Variants in ANO2 observed in about 807,000 individuals in gnomAD.
The protein encoded by ANO2 is anoctamin-2.
In ANO2, 101 loss-of-function variants were observed where a neutral mutation model predicts 124.2. The observed-to-expected ratio is 0.81, with a 90% confidence interval of 0.69 to 0.96. ANO2 has a LOEUF of 0.96. Among genes scored for constraint, ANO2 ranks in the 40% least tolerant of loss-of-function variants. The pLI, the probability that ANO2 is intolerant of heterozygous loss-of-function variation, is 0.00. For missense variants in ANO2, 1,293 were observed against 1,274.5 expected, an observed-to-expected ratio of 1.01 and a Z score of -0.22; for synonymous variants, 486 against 482.5, an observed-to-expected ratio of 1.01 and a Z score of -0.09.
intron 14 of ANO2, among the ~76,000 whole-genome samples, chr12:5,651,084 T>C (rs1292993781): frequency 4.6e-5 from 7 of 152,222 alleles, no homozygotes; most frequent in African/African-American, 1.7e-4. Context: ...AAAAGTAAGG[T>C]CTAACCAGCT....
chr12:5,696,689 A>G (rs577684260), intron 14 of ANO2, among the ~76,000 whole-genome samples: 1 of 152,354 alleles, frequency 6.6e-6, no homozygotes, highest in African/African-American at 2.4e-5. Context: ...CTCTAGCTCA[A>G]CATCACTAAT....
intron 13 of ANO2, 135 bp downstream of exon 13, chr12:5,739,182 A>G (rs373330120): frequency 1.5e-5 from 13 of 865,030 alleles, no homozygotes; most frequent in Middle Eastern, 2.1e-4. Flanking sequence ...GAGCCAAGCT[A>G]CACAGGCAGC....
chr12:5,814,404 T>C (rs984328019), intron 7 of ANO2, among the ~76,000 whole-genome samples: 2 of 152,272 alleles, frequency 1.3e-5, no homozygotes, highest in Admixed American at 6.5e-5. Context: ...TTTCCTTGCA[T>C]GTATCTGTCT....
At chr12:5,923,172 ACG>A (rs1348020913) in intron 1 of ANO2, among the ~76,000 whole-genome samples, 7,270 of 40,576 alleles carry the variant, frequency 0.18, 1,480 homozygotes, top group Admixed American at 0.25. Context: ...ATACACACAC[ACG>A]CACACACACA....
intron 3 of ANO2, chr12:5,870,423 T>C (rs1002268396): frequency 6.6e-6 from 1 of 152,244 alleles, no homozygotes; most frequent in Non-Finnish European, 1.5e-5. Context: ...ACCCCAGGGC[T>C]CTGCCTTCTG....
intron 19 of ANO2, among the ~76,000 whole-genome samples, chr12:5,603,542 T>C (rs530730894): frequency 1.4e-4 from 21 of 151,838 alleles, no homozygotes; most frequent in Middle Eastern, 6.8e-3. Context: ...GGCAAAGAGG[T>C]TATTCTAGGC....
intron 3 of ANO2, among the ~76,000 whole-genome samples, chr12:5,898,905 G>T (rs1383527243): frequency 6.6e-6 from 1 of 152,158 alleles, no homozygotes; most frequent in African/African-American, 2.4e-5. Context: ...TCCAAAAGAG[G>T]CTTTTTTAAA....
chr12:5,922,589 T>TACCCCC, intron 2 of ANO2, 31 bp downstream of exon 2: 4 of 1,449,808 alleles, frequency 2.8e-6, no homozygotes, highest in Non-Finnish European at 1.8e-6. Context: ...GGCTGGCCTA[T>TACCCCC]CCCCCCACCC....
At chr12:5,907,678 G>A (rs947589379) in intron 3 of ANO2, among the ~76,000 whole-genome samples, 8 of 152,212 alleles carry the variant, frequency 5.3e-5, no homozygotes, top group Non-Finnish European at 1.2e-4. Flanking sequence ...GACAGGGTGG[G>A]AGAGCCAACT....
intron 1 of ANO2, among the ~76,000 whole-genome samples, chr12:5,932,094 T>A (rs1345670527): frequency 3.9e-5 from 4 of 103,516 alleles, no homozygotes; most frequent in Non-Finnish European, 4.0e-5. Flanking sequence ...GGTAGACGAG[T>A]GAGGAAAGAA....
chr12:5,599,768 C>T (rs918670857), intron 19 of ANO2, 139 bp from the exon 20 acceptor site: 1 of 933,860 alleles, frequency 1.1e-6, no homozygotes. Context: ...TAGAGAGACA[C>T]TAAAGAGACT....
chr12:5,681,778 G>A (rs1423929085), intron 14 of ANO2, among the ~76,000 whole-genome samples: 2 of 152,048 alleles, frequency 1.3e-5, no homozygotes, highest in Non-Finnish European at 2.9e-5. Context: ...AAGCTATTAA[G>A]CTCTTACATC....
intron 3 of ANO2, among the ~76,000 whole-genome samples, chr12:5,879,815 T>C (rs1414210563): frequency 1.3e-5 from 2 of 152,166 alleles, no homozygotes; most frequent in African/African-American, 2.4e-5. Context: ...AGACTAATTG[T>C]GAAAGCCTGG....
intron 9 of ANO2, 129 bp downstream of exon 9, chr12:5,805,923 G>A (rs1405904595): frequency 3.5e-6 from 3 of 861,302 alleles, no homozygotes; most frequent in East Asian, 2.9e-5. Context: ...GGGAAAGGGG[G>A]GAGCTGGTAA....
chr12:5,783,393 T>A (rs1952456845), intron 10 of ANO2, among the ~76,000 whole-genome samples: 1 of 152,176 alleles, frequency 6.6e-6, no homozygotes, highest in Admixed American at 6.5e-5. Flanking sequence ...CTAGAGCCCA[T>A]GACACAGCCC....
At chr12:5,641,409 CTTTT>C (rs1004079569) in intron 15 of ANO2, among the ~76,000 whole-genome samples, 1 of 142,494 alleles carries the variant, frequency 7.0e-6, no homozygotes, top group South Asian at 2.2e-4. Flanking sequence ...GAAAACTGGG[CTTTT>C]TTTTAAGTGG....
intron 10 of ANO2, among the ~76,000 whole-genome samples, chr12:5,792,295 T>A (rs183005966): frequency 5.9e-4 from 90 of 152,338 alleles, no homozygotes; most frequent in East Asian, 2.3e-3. Flanking sequence ...ACATTACCCA[T>A]CTTTTGACTG....
rs551365748 is a variant in ANO2, at chr12:5,563,093, T to G, written c.*206A>C. On this transcript the variant is annotated 3_prime_UTR_variant, in exon 25 of 25. Coordinates refer to ENST00000682330, the MANE Select transcript of ANO2 (RefSeq NM_001364791.2). Reference sequence around the variant, plus strand: ...AAGGGGACCTAAAAGAAACTTAAGCTTGAAGTTTCTGAGATGTAGCATCAT... The same window carrying G: ...AAGGGGACCTAAAAGAAACTTAAGCGTGAAGTTTCTGAGATGTAGCATCAT... 2.7e-6 allele frequency: 2 copies of G among 749,098 alleles called. No homozygotes were observed. Among genetic ancestry groups the G allele is most frequent in the South Asian group, 4.0e-5 (2 of 50,268 alleles). The allele number at this position is 749,098 out of a possible 1,614,324, so 46.4% of individuals were successfully genotyped here. A position where few individuals can be genotyped will look rare whatever the true frequency, so the allele number is the denominator to read the frequency against.
chr12:5,890,079 G>C (rs1444189958), intron 3 of ANO2, among the ~76,000 whole-genome samples: 2 of 151,504 alleles, frequency 1.3e-5, no homozygotes, highest in African/African-American at 2.4e-5. Context: ...CCTGCATCTT[G>C]GGAAAACCAG....
Sources: gnomAD v4.1 joint callset for allele counts (sites outside exome capture counted in the v4.1 genomes callset) on GRCh38, gnomAD v4.1.1 for gene constraint, MANE v1.5 for transcripts, NCBI Gene and HGNC (gene_info 2026-07-23, HGNC 2026-07-21) for gene names.